NLGN4X: variants seen among roughly 807,000 people sequenced by gnomAD.
NLGN4X encodes neuroligin-4, X-linked.
Under a neutral mutation model 40.3 loss-of-function variants are expected in NLGN4X, and 3 were observed. The observed-to-expected ratio is 0.07, with a 90% confidence interval of 0.03 to 0.19. The LOEUF is 0.19. Ranked by LOEUF, NLGN4X falls within the 10% of genes least tolerant of loss-of-function variation. NLGN4X has a pLI of 1.00. For missense variants in NLGN4X, 382 were observed against 708.3 expected (o/e 0.54, Z 5.23); for synonymous variants, 270 against 306.8 (o/e 0.88, Z 1.25).
chrX:6,207,132 T>G (rs1924110286), intron 1 of NLGN4X, among the ~76,000 whole-genome samples: 1 of 111,175 alleles, frequency 9.0e-6, no homozygotes, highest in Non-Finnish European at 1.9e-5. Flanking sequence ...GTGGATGAGT[T>G]TACTTTCAAA....
intron 3 of NLGN4X, among the ~76,000 whole-genome samples, chrX:5,978,543 A>G (rs1031865776): frequency 9.0e-6 from 1 of 111,466 alleles, no homozygotes; most frequent in African/African-American, 3.3e-5. Flanking sequence ...TTAGTAGGCA[A>G]AACAGACTTT....
At chrX:6,073,230 A>C (rs1286135001) in intron 2 of NLGN4X, among the ~76,000 whole-genome samples, 2 of 111,714 alleles carry the variant, frequency 1.8e-5, no homozygotes, top group African/African-American at 3.3e-5. Context: ...GGACTTAATG[A>C]TATCCATATT....
intron 1 of NLGN4X, among the ~76,000 whole-genome samples, chrX:6,177,391 T>C (rs921235231): frequency 8.9e-6 from 1 of 111,809 alleles, no homozygotes; most frequent in Non-Finnish European, 1.9e-5. Context: ...ACTCCTGACC[T>C]CAAGTGATCC....
At chrX:6,088,552 T>C (rs1452989874) in intron 2 of NLGN4X, among the ~76,000 whole-genome samples, 2 of 111,898 alleles carry the variant, frequency 1.8e-5, no homozygotes, top group Non-Finnish European at 3.8e-5. Context: ...ACCAAGCAAA[T>C]CTCTATCACC....
rs981710572 is a variant in NLGN4X, at chrX:6,151,652, T to A, written c.-186A>T. 7.5e-5 allele frequency: 34 copies of A among 453,735 alleles called. No homozygotes were observed. The highest frequency in any genetic ancestry group is 5.6e-4 in the African/African-American group (23 of 40,929). 37.4% of individuals were successfully genotyped at this position (453,735 alleles called of 1,213,427 possible). ...GCACAGCCGTTTTCTTGGCAGCCCA[T>A]TGCAAGGAGGCAGCCCTCCCTTAAT... On this transcript the variant is annotated 5_prime_UTR_variant, in exon 2 of 6. It removes an upstream start codon present in the reference 5' UTR. Transcript: ENST00000381095.
intron 5 of NLGN4X, among the ~76,000 whole-genome samples, chrX:5,898,955 A>T (rs1476399830): frequency 8.9e-6 from 1 of 111,912 alleles, no homozygotes; most frequent in African/African-American, 3.3e-5. Flanking sequence ...TACAATAAAC[A>T]AATAACTACC....
At chrX:6,084,554 A>T (rs1441417006) in intron 2 of NLGN4X, among the ~76,000 whole-genome samples, 1 of 111,884 alleles carries the variant, frequency 8.9e-6, no homozygotes, top group Non-Finnish European at 1.9e-5. Flanking sequence ...AAAAACCTTA[A>T]ATTGATGCCC....
intron 1 of NLGN4X, among the ~76,000 whole-genome samples, chrX:6,218,892 A>G (rs1300763492): frequency 9.1e-6 from 1 of 110,240 alleles, no homozygotes; most frequent in African/African-American, 3.3e-5. Context: ...TAATGTGTCC[A>G]TTTTCAGGAT....
intron 1 of NLGN4X, among the ~76,000 whole-genome samples, chrX:6,207,880 T>C (rs1443849782): frequency 3.6e-5 from 4 of 112,252 alleles, no homozygotes; most frequent in Non-Finnish European, 7.5e-5. Flanking sequence ...ACAAATGTTA[T>C]ACTGCATTCT....
chrX:6,130,303 T>C (rs1435510484), intron 2 of NLGN4X, among the ~76,000 whole-genome samples: 2 of 111,790 alleles, frequency 1.8e-5, no homozygotes, highest in African/African-American at 3.3e-5. Flanking sequence ...ATTTTGGCAC[T>C]CCACATGAAA....
At chrX:6,010,092 G>T (rs1227917132) in intron 3 of NLGN4X, among the ~76,000 whole-genome samples, 1 of 112,060 alleles carries the variant, frequency 8.9e-6, no homozygotes, top group Non-Finnish European at 1.9e-5. Flanking sequence ...AGAATGTCTT[G>T]TTCTGATTAA....
chrX:5,904,806 A>C (rs2032088167), intron 4 of NLGN4X, among the ~76,000 whole-genome samples: 1 of 112,038 alleles, frequency 8.9e-6, no homozygotes, highest in African/African-American at 3.2e-5. Context: ...CTAAAGAATA[A>C]GGCATTCAGT....
At chrX:6,014,381 T>C (rs2036336510) in intron 3 of NLGN4X, among the ~76,000 whole-genome samples, 1 of 111,819 alleles carries the variant, frequency 8.9e-6, no homozygotes, top group African/African-American at 3.2e-5. Flanking sequence ...GATTCTCTCT[T>C]TGAATGTGAA....
chrX:6,011,974 G>A (rs139777529), intron 3 of NLGN4X, among the ~76,000 whole-genome samples: 3,371 of 111,241 alleles, frequency 0.03, 129 homozygotes, highest in African/African-American at 0.1. Context: ...TCCATGAGTC[G>A]TTTTAAAACT....
intron 2 of NLGN4X, among the ~76,000 whole-genome samples, chrX:6,049,296 A>G (rs1195030036): frequency 1.3e-5 from 1 of 78,116 alleles, no homozygotes; most frequent in South Asian, 8.8e-4. Context: ...CAGGTACAAG[A>G]AAGCTGCTCT....
At chrX:6,166,174 TCTTAAGTAGATCCAGGTA>T (rs2040491690) in intron 1 of NLGN4X, among the ~76,000 whole-genome samples, 1 of 112,564 alleles carries the variant, frequency 8.9e-6, no homozygotes, top group African/African-American at 3.2e-5. Flanking sequence ...ATTACGAACC[TCTTAAGTAGATCCAGGTA>T]CTTAGCACAC....
intron 2 of NLGN4X, among the ~76,000 whole-genome samples, chrX:6,061,368 G>A (rs1470323554): frequency 9.1e-6 from 1 of 109,816 alleles, no homozygotes; most frequent in Admixed American, 9.8e-5. Flanking sequence ...CAACCCTACA[G>A]CACACAGAAA....
intron 3 of NLGN4X, among the ~76,000 whole-genome samples, chrX:5,980,475 C>CTT (rs1266350117): frequency 9.8e-5 from 9 of 91,576 alleles, no homozygotes; most frequent in African/African-American, 3.6e-4. Context: ...CAAAATTTTT[C>CTT]TTTTTTTTTT....
intron 3 of NLGN4X, among the ~76,000 whole-genome samples, chrX:5,910,243 G>A (rs1247114747): frequency 5.4e-5 from 6 of 111,534 alleles, no homozygotes; most frequent in Non-Finnish European, 1.1e-4. Flanking sequence ...TGCAAGTTTA[G>A]TTCATTGCAT....
Sources: gnomAD v4.1 joint callset for allele counts (sites outside exome capture counted in the v4.1 genomes callset) on GRCh38, gnomAD v4.1.1 for gene constraint, MANE v1.5 for transcripts, NCBI Gene and HGNC (gene_info 2026-07-23, HGNC 2026-07-21) for gene names.